The following CDC42BPB variants were observed in gnomAD, a reference collection of about 807,000 sequenced individuals.
The protein encoded by CDC42BPB is serine/threonine-protein kinase MRCK beta.
In CDC42BPB, 37 loss-of-function variants were observed where a neutral mutation model predicts 214.9. The observed-to-expected ratio is 0.17, with a 90% confidence interval of 0.13 to 0.23. CDC42BPB has a LOEUF of 0.23. Among genes scored for constraint, CDC42BPB ranks in the 10% least tolerant of loss-of-function variants. The pLI is 1.00. For missense variants in CDC42BPB, 1,694 were observed against 2,227.0 expected (o/e 0.76, Z 4.82); for synonymous variants, 931 against 884.0 (o/e 1.05, Z -0.94).
chr14:103,006,155 T>C (rs1336804425), intron 3 of CDC42BPB, among the ~76,000 whole-genome samples: 1 of 152,114 alleles, frequency 6.6e-6, no homozygotes, highest in Non-Finnish European at 1.5e-5. Flanking sequence ...ACAACCCCTC[T>C]GCCAACAGCC....
chr14:102,938,283 C>G, intron 35 of CDC42BPB, 23 bp downstream of exon 35: 4 of 1,604,674 alleles, frequency 2.5e-6, no homozygotes, highest in Non-Finnish European at 3.4e-6. Context: ...CCCAGGGCTG[C>G]GGGGGCCAGG....
In CDC42BPB at chr14:102,933,689, G is replaced by A. The variant is rs1461460199; in HGVS notation, c.*23C>T. ...GCTGGAGGCCATCTCCAGCTCCCTG[G>A]CCCCTGTGGCGAGCTGGCGGCTTCA... On this transcript the variant is annotated 3_prime_UTR_variant, in exon 37 of 37. Transcript: ENST00000361246. The A allele has an allele frequency of 3.5e-6, 5 of 1,436,114 alleles. No homozygotes were observed. The highest frequency in any genetic ancestry group is 4.5e-6 in the Non-Finnish European group (5 of 1,107,804). 89.0% of individuals were successfully genotyped at this position (1,436,114 alleles called of 1,614,324 possible). A position where few individuals can be genotyped will look rare whatever the true frequency, so the allele number is the denominator to read the frequency against.
intron 1 of CDC42BPB, among the ~76,000 whole-genome samples, chr14:103,053,181 T>C (rs551999660): frequency 5.6e-4 from 84 of 149,032 alleles, no homozygotes; most frequent in Non-Finnish European, 1.1e-3. Context: ...AACCCCGTCT[T>C]TACTAAAAAT....
chr14:102,949,591 C>A (rs545606693), intron 26 of CDC42BPB, among the ~76,000 whole-genome samples, 174 bp downstream of exon 26: 2 of 152,160 alleles, frequency 1.3e-5, no homozygotes, highest in Non-Finnish European at 2.9e-5. Context: ...TCTGTTCATA[C>A]GCATGTGAGC....
chr14:102,951,247 A>T (rs1477302507), intron 24 of CDC42BPB, among the ~76,000 whole-genome samples: 1 of 152,214 alleles, frequency 6.6e-6, no homozygotes, highest in African/African-American at 2.4e-5. Flanking sequence ...CAGCCAATCA[A>T]AATGTGCATG....
intron 9 of CDC42BPB, among the ~76,000 whole-genome samples, chr14:102,976,811 T>C (rs768719457): frequency 2.0e-5 from 3 of 152,212 alleles, no homozygotes; most frequent in South Asian, 2.1e-4. Context: ...AGGAGAGCTC[T>C]AGGCCTATCT....
Position 102,944,565 on chromosome 14 carries a change from C to A in CDC42BPB, c.3812-78G>T. The A allele has an allele frequency of 6.5e-7, 1 of 1,542,942 alleles. No individual in the cohort carries two copies. The highest frequency in any genetic ancestry group is 8.7e-7 in the Non-Finnish European group (1 of 1,145,476). On this transcript the variant is annotated intron_variant, in intron 29 of 36. Transcript: ENST00000361246. The surrounding 1 kb of genome is among the most constrained non-coding windows in gnomAD (Gnocchi z 6.6). ...AGGGGCTGACGGCCTTGGCTAAAGA[C>A]TTGCCTGGAACACTCTGGGGCCCTC...
intron 1 of CDC42BPB, among the ~76,000 whole-genome samples, chr14:103,040,550 C>A (rs1038699686): frequency 1.3e-5 from 2 of 151,832 alleles, no homozygotes; most frequent in Admixed American, 1.3e-4. Flanking sequence ...CCTCTGCCTC[C>A]CGGGTTCAGG....
chr14:102,958,377 G>T (rs959925868), intron 21 of CDC42BPB, among the ~76,000 whole-genome samples: 1 of 152,214 alleles, frequency 6.6e-6, no homozygotes, highest in Non-Finnish European at 1.5e-5. Flanking sequence ...AACCCCAGGT[G>T]AGGGACATGT....
rs1317149642 is a variant in CDC42BPB, at chr14:102,933,538, C to T, written c.*174G>A. The T allele has an allele frequency of 1.3e-5, 7 of 542,540 alleles. No homozygotes were observed. The highest frequency in any genetic ancestry group is 4.0e-5 in the African/African-American group (2 of 50,126). The allele number at this position is 542,540 out of a possible 1,614,324, so 33.6% of individuals were successfully genotyped here. A position where few individuals can be genotyped will look rare whatever the true frequency, so the allele number is the denominator to read the frequency against. Reference sequence around the variant, plus strand: ...GACGAACAGATGTGGTCTACTGCCACGAACAATGCGGCATAAAACTGATCA... The same window carrying T: ...GACGAACAGATGTGGTCTACTGCCATGAACAATGCGGCATAAAACTGATCA... On this transcript the variant is annotated 3_prime_UTR_variant, in exon 37 of 37. Coordinates refer to ENST00000361246, the MANE Select transcript of CDC42BPB (RefSeq NM_006035.4).
At chr14:102,995,806 G>A (rs1165147547) in intron 5 of CDC42BPB, among the ~76,000 whole-genome samples, 1 of 152,184 alleles carries the variant, frequency 6.6e-6, no homozygotes, top group Non-Finnish European at 1.5e-5. Flanking sequence ...CGTAACATCG[G>A]CCAGCGGCAC....
intron 3 of CDC42BPB, among the ~76,000 whole-genome samples, chr14:103,007,778 C>T (rs1259294887): frequency 2.9e-5 from 4 of 137,042 alleles, no homozygotes; most frequent in African/African-American, 1.2e-4. Context: ...GCATGATGGA[C>T]GGAGCAGATC....
chr14:102,968,620 C>T lies in CDC42BPB; in HGVS notation c.2092G>A (p.Glu698Lys). 6.2e-7 allele frequency: 1 copy of T among 1,614,238 alleles called. No individual in the cohort carries two copies. Among genetic ancestry groups the T allele is most frequent in the Non-Finnish European group, 8.5e-7 (1 of 1,180,054 alleles). The change falls in exon 15 of 37, where the codon GAA (glutamate) becomes AAA (lysine). Residue 698 changes from glutamate to lysine, a missense_variant. By Grantham distance (56) the Glu-to-Lys change is moderately conservative. Coordinates refer to ENST00000361246, the MANE Select transcript of CDC42BPB (RefSeq NM_006035.4). ...SELEKKVLFYEEELVRREASH... is the reference protein window; with the variant it reads ...SELEKKVLFYKEELVRREASH... ...GCCTCACGTCTGACCAATTCCTCTT[C>T]ATAAAATAAGACTTTCTTCTCCAGC...
intron 17 of CDC42BPB, 136 bp from the exon 18 acceptor site, chr14:102,966,523 G>A: frequency 2.7e-6 from 4 of 1,456,576 alleles, no homozygotes; most frequent in African/African-American, 2.8e-5. Flanking sequence ...CAGTGTACCC[G>A]TTGTATACAC....
chr14:102,984,513 CG>C (rs1227929118), intron 6 of CDC42BPB, among the ~76,000 whole-genome samples: 1 of 152,100 alleles, frequency 6.6e-6, no homozygotes, highest in Non-Finnish European at 1.5e-5. Context: ...CTCCTACCCC[CG>C]CAAGGGAGAA....
chr14:103,027,073 T>C (rs1184208107), intron 1 of CDC42BPB, among the ~76,000 whole-genome samples: 1 of 152,200 alleles, frequency 6.6e-6, no homozygotes, highest in South Asian at 2.1e-4. Flanking sequence ...ATGCCCAATA[T>C]GCACAGAAAA....
intron 22 of CDC42BPB, 109 bp from the exon 23 acceptor site, chr14:102,954,384 G>C (rs1892625029): frequency 2.8e-6 from 4 of 1,443,342 alleles, no homozygotes. Context: ...GAACAGTTCT[G>C]CATTTTTAAT....
chr14:102,946,116 C>T (rs1365970133), intron 28 of CDC42BPB, among the ~76,000 whole-genome samples: 3 of 152,128 alleles, frequency 2.0e-5, no homozygotes, highest in African/African-American at 7.2e-5. Context: ...TCATGCTGTT[C>T]TCCCGCCTCA....
intron 4 of CDC42BPB, among the ~76,000 whole-genome samples, chr14:103,000,205 C>T (rs940709563): frequency 3.3e-5 from 5 of 152,246 alleles, no homozygotes; most frequent in Admixed American, 3.3e-4. Flanking sequence ...CTTATAGGTT[C>T]ACTCCAACAG....
Sources: allele counts gnomAD v4.1 joint callset (sites outside exome capture counted in the v4.1 genomes callset), GRCh38; gene constraint gnomAD v4.1.1; non-coding constraint Gnocchi (gnomAD v3.1); transcripts MANE v1.5; gene names NCBI Gene and HGNC (gene_info 2026-07-23, HGNC 2026-07-21).